The following FAT2 variants were observed in gnomAD, a reference collection of about 807,000 sequenced individuals.
FAT2 encodes FAT atypical cadherin 2, also known as protocadherin Fat 2.
FAT2 carries 150 observed loss-of-function variants against 295.3 expected under a neutral mutation model. The ratio of observed to expected loss-of-function variants is 0.51; its 90% CI spans 0.44 to 0.58. The LOEUF (loss-of-function observed/expected upper bound fraction) is 0.58, where lower values mean the gene tolerates loss of function less well. Ranked by LOEUF, FAT2 falls within the 20% of genes least tolerant of loss-of-function variation. FAT2 has a pLI of 0.00. For synonymous variants in FAT2, 2,026 were observed against 2,150.3 expected (o/e 0.94, Z 1.60); for missense variants, 4,868 against 5,442.7 (o/e 0.89, Z 3.32).
At chr5:151,506,134 C>A in intron 23 of FAT2, 37 bp from the exon 24 acceptor site, 4 of 1,479,282 alleles carry the variant, frequency 2.7e-6, no homozygotes, top group Non-Finnish European at 3.6e-6. Flanking sequence ...AGCTCATTTT[C>A]TCCCCGGAAG....
rs772956088 is a variant in FAT2, at chr5:151,543,829, G to A, written c.7298C>T (p.Ser2433Leu). 1.2e-5 allele frequency: 20 copies of A among 1,613,892 alleles called. No individual in the cohort carries two copies. Among genetic ancestry groups the A allele is most frequent in the Admixed American group, 1.0e-4 (6 of 59,986 alleles). Residue 2433 changes from serine (S) to leucine (L), a missense_variant, in exon 10 of 24, where the codon TCG becomes TTG. By Grantham distance (145) the Ser-to-Leu change is moderately radical. Around this residue, in one of 5 missense-constraint regions of FAT2, gnomAD observed 3,297 missense variants for 3,669.4 expected, o/e 0.90. Coordinates refer to ENST00000261800, the MANE Select transcript of FAT2 (RefSeq NM_001447.3). ...QDRHFFINSS[S>L]GIISMFNLCK... Reference sequence around the variant, plus strand: ...AAGGTTGAACATAGAAATTATTCCCGATGAGCTGTTAATGAAGAAGTGCCT... The same window carrying A: ...AAGGTTGAACATAGAAATTATTCCCAATGAGCTGTTAATGAAGAAGTGCCT...
rs77640790 is a variant in FAT2 at position 151,529,414 on chromosome 5, G to A, written c.9812-22C>T. 1,872 of 1,608,618 alleles carry A rather than the reference G, an allele frequency of 1.2e-3. 17 individuals carry two copies. In the African/African-American group the frequency reaches 0.022, roughly 19 times the overall value. ...ATCCCTGAAGAAGCAAGAGGTGACA[G>A]CAGCAATGAGGCAGTTGGGCCCTCA... On this transcript the variant is annotated intron_variant, in intron 14 of 23. Coordinates refer to ENST00000261800, the MANE Select transcript of FAT2 (RefSeq NM_001447.3).
intron 4 of FAT2, among the ~76,000 whole-genome samples, chr5:151,555,810 G>A (rs1757642473): frequency 6.6e-6 from 1 of 152,182 alleles, no homozygotes; most frequent in South Asian, 2.1e-4. Context: ...GTGAAGGACA[G>A]CTCAGGAGGG....
Position 151,567,256 on chromosome 5 carries a change from T to C in FAT2, c.1676A>G (p.Asp559Gly). 6.2e-7 allele frequency: 1 copy of C among 1,614,176 alleles called. No individual in the cohort carries two copies. The highest frequency in any genetic ancestry group is 8.5e-7 in the Non-Finnish European group (1 of 1,180,036). Residue 559 changes from aspartate (D) to glycine (G), a missense_variant, in exon 2 of 24, where the codon GAC becomes GGC. Around this residue, in one of 5 missense-constraint regions of FAT2, gnomAD observed 3,297 missense variants for 3,669.4 expected, o/e 0.90. Coordinates refer to ENST00000261800, the MANE Select transcript of FAT2 (RefSeq NM_001447.3). ...SIFLQLRNLN[D>G]NQPMFEEVNC... Reference sequence around the variant, plus strand: ...GACTTCTTCAAACATAGGCTGGTTGTCATTCAAGTTCCTGAGCTGAAGAAA... The same window carrying C: ...GACTTCTTCAAACATAGGCTGGTTGCCATTCAAGTTCCTGAGCTGAAGAAA...
intron 17 of FAT2, 138 bp downstream of exon 17, chr5:151,527,096 G>A (rs1754091777): frequency 1.2e-6 from 1 of 831,078 alleles, no homozygotes; most frequent in Non-Finnish European, 1.9e-6. Flanking sequence ...CCCTCCAGCA[G>A]TCTGTGTTGC....
rs1165523525 is a variant in FAT2 at position 151,512,347 on chromosome 5, C to T, written c.11723G>A (p.Gly3908Asp). Residue 3908 changes from glycine to aspartate, a missense_variant, in exon 21 of 24, where the codon GGC becomes GAC. By Grantham distance (94) the Gly-to-Asp change is moderately conservative. Transcript: ENST00000261800. The surrounding 1 kb of genome is among the most constrained non-coding windows in gnomAD (Gnocchi z 4.1). ...LLHSSSNVSQGFEGCLDAVVV... is the reference protein window; with the variant it reads ...LLHSSSNVSQDFEGCLDAVVV... ...GACAGCATCCAGGCAGCCTTCAAAG[C>T]CCTGGGAGACATTCGAGGAAGAATG... 6.2e-7 allele frequency: 1 copy of T among 1,614,238 alleles called. No individual in the cohort carries two copies. The highest frequency in any genetic ancestry group is 8.5e-7 in the Non-Finnish European group (1 of 1,180,042).
intron 9 of FAT2, among the ~76,000 whole-genome samples, chr5:151,547,975 T>C (rs1756813447): frequency 6.6e-6 from 1 of 152,234 alleles, no homozygotes; most frequent in Admixed American, 6.5e-5. Flanking sequence ...ATTTTAAAAC[T>C]AATCTAATCT....
At position 151,540,567 on chromosome 5, in the gene FAT2, C is replaced by T. The variant is rs1756029410; in HGVS notation, c.9039G>A (p.Gln3013=). 2 of 1,611,410 alleles carry T rather than the reference C, an allele frequency of 1.2e-6. No homozygotes were observed. Among genetic ancestry groups the T allele is most frequent in the South Asian group, 1.1e-5 (1 of 90,654 alleles). ...ACTCCACCCCTCGCCAGGCTCTCAC[C>T]TGTGAACACTGTGGGCTGTTATCAT... ...DVNDNSPQCS[Q]LLYTGKVHED... Residue 3013 remains glutamine, a splice_region_variant and synonymous_variant, in exon 11 of 24, where the codon CAG becomes CAA. Coordinates refer to ENST00000261800, the MANE Select transcript of FAT2 (RefSeq NM_001447.3).
rs1286002054 is a variant in FAT2 at position 151,531,300 on chromosome 5, A to C, written c.9811+287T>G. Among the ~76,000 whole-genome samples the C allele has an allele frequency of 1.3e-5, 2 of 152,136 alleles. No homozygotes were observed. The highest frequency in any genetic ancestry group is 4.8e-5 in the African/African-American group (2 of 41,438). On this transcript the variant is annotated intron_variant, in intron 14 of 23. Transcript: ENST00000261800. This position sits in a 1 kb window ranked among gnomAD's most constrained non-coding sequence, Gnocchi z 5.7. ...CGCTGGGCCTGAGCTGAGACCATGA[A>C]GCCGCTAACTGTGTGGGAGGAGAGT...
At position 151,532,020 on chromosome 5, in the gene FAT2, A is replaced by G; in HGVS notation, c.9428-50T>C. On this transcript the variant is annotated intron_variant, in intron 13 of 23. Coordinates refer to ENST00000261800, the MANE Select transcript of FAT2 (RefSeq NM_001447.3). ...TCCACACTGAGGGCGCCTCCTCTGG[A>G]CCTGCCTGCAGCAAACCCTGCAGCC... 2.5e-6 allele frequency: 4 copies of G among 1,592,466 alleles called. 1 individual carries two copies. In the South Asian group the frequency reaches 3.4e-5, roughly 14 times the overall value.
chr5:151,543,920 C>A lies in FAT2; in HGVS notation c.7207G>T (p.Ala2403Ser), dbSNP rs1396184318. 1.2e-6 allele frequency: 2 copies of A among 1,614,136 alleles called. No homozygotes were observed. The highest frequency in any genetic ancestry group is 8.5e-7 in the Non-Finnish European group (1 of 1,180,036). The change falls in exon 10 of 24, where the codon GCT becomes TCT. Residue 2403 changes from alanine to serine, a missense_variant. Physicochemically the swap from Ala to Ser is moderately conservative, Grantham distance 99 (BLOSUM62 1). Coordinates refer to ENST00000261800, the MANE Select transcript of FAT2 (RefSeq NM_001447.3). ...GTGTCTCTGCTGTCAGGGTCAATAGCCTGGACTTTAAGAACCAGGTGTCCA... is the reference window on the plus strand; with the variant it reads ...GTGTCTCTGCTGTCAGGGTCAATAGACTGGACTTTAAGAACCAGGTGTCCA... ...TCGHLVLKVQ[A>S]IDPDSRDTSR...
intron 19 of FAT2, among the ~76,000 whole-genome samples, chr5:151,520,615 C>T (rs116151534): frequency 0.019 from 2,889 of 152,222 alleles, 102 homozygotes; most frequent in African/African-American, 0.066. Flanking sequence ...ATAACTCTTA[C>T]GTAATTTCCC....
intron 1 of FAT2, among the ~76,000 whole-genome samples, chr5:151,574,500 G>T (rs1230990886): frequency 6.6e-6 from 1 of 152,202 alleles, no homozygotes; most frequent in Non-Finnish European, 1.5e-5. Context: ...TGAAAGAATG[G>T]TGACATTCTA....
intron 3 of FAT2, among the ~76,000 whole-genome samples, chr5:151,556,672 T>C (rs1001333885): frequency 2.6e-5 from 4 of 152,216 alleles, no homozygotes; most frequent in African/African-American, 9.7e-5. Flanking sequence ...TACTGAAGTA[T>C]TGAGTACAAA....
chr5:151,517,885 TGAA>T, intron 19 of FAT2, 120 bp from the exon 20 acceptor site: 1 of 1,247,776 alleles, frequency 8.0e-7, no homozygotes, highest in Non-Finnish European at 1.1e-6. Flanking sequence ...ATTTTATACA[TGAA>T]GAAACTAGGC....
intron 11 of FAT2, 114 bp downstream of exon 11, chr5:151,540,453 C>T: frequency 8.5e-6 from 6 of 707,358 alleles, no homozygotes; most frequent in Non-Finnish European, 1.4e-5. Flanking sequence ...CCCTCACTCT[C>T]TGTTCTCCTG....
At chr5:151,580,920 A>G (rs943045882) in intron 1 of FAT2, among the ~76,000 whole-genome samples, 30 of 152,226 alleles carry the variant, frequency 2.0e-4, no homozygotes, top group Admixed American at 1.7e-3. Flanking sequence ...AGGATCCAGC[A>G]GGCCCTGTGG....
chr5:151,517,318 T>C (rs1396723018), intron 20 of FAT2, among the ~76,000 whole-genome samples: 1 of 152,140 alleles, frequency 6.6e-6, no homozygotes, highest in Non-Finnish European at 1.5e-5. Flanking sequence ...ACTGGCCTAT[T>C]ACTCAGCAAA....
At chr5:151,555,367 CTTTTTTTTTTTTT>C (rs912481589) in intron 4 of FAT2, among the ~76,000 whole-genome samples, 1 of 123,110 alleles carries the variant, frequency 8.1e-6, no homozygotes, top group African/African-American at 3.1e-5. Flanking sequence ...TAATATATTT[CTTTTTTTTTTTTT>C]TTTTTTTTGA....
Sources: allele counts gnomAD v4.1 joint callset (sites outside exome capture counted in the v4.1 genomes callset), GRCh38; gene constraint gnomAD v4.1.1; regional missense constraint gnomAD v4.1.1; non-coding constraint Gnocchi (gnomAD v3.1); transcripts MANE v1.5; gene names NCBI Gene and HGNC (gene_info 2026-07-23, HGNC 2026-07-21).